The following OR2T29 variants were observed in gnomAD, a reference collection of about 807,000 sequenced individuals.
The protein encoded by OR2T29 is olfactory receptor family 2 subfamily T member 29, also known as olfactory receptor 2T29.
For missense variants in OR2T29, 7 were observed against 121.9 expected (o/e 0.06, Z 4.44); for synonymous variants, 2 against 44.9 (o/e 0.04, Z 3.82).
chr1:248,558,772 CT>C lies in OR2T29; in HGVS notation c.719del (p.Lys240ArgfsTer10), dbSNP rs1164723432. ...GGTGGGAGGAGCAGGTGGCAAAGGC[CT>C]TTTTCCGGCCCTCTGCTGAGTTCAT... Reference protein sequence around the residue: ...HRMNSAEGRKKAFATCSSHLT... With the variant: ...HRMNSAEGRKXAFATCSSHLT... On this transcript the variant is annotated frameshift_variant, in exon 2 of 2. Transcript: ENST00000641069. LOFTEE classifies it low-confidence loss of function (END_TRUNC). The C allele has an allele frequency of 6.0e-5, 2 of 33,174 alleles. No individual in the cohort carries two copies. The highest frequency in any genetic ancestry group is 1.1e-4 in the Non-Finnish European group (2 of 18,242). 2.1% of individuals were successfully genotyped at this position (33,174 alleles called of 1,614,324 possible). A position where few individuals can be genotyped will look rare whatever the true frequency, so the allele number is the denominator to read the frequency against.
intron 1 of OR2T29, among the ~76,000 whole-genome samples, chr1:248,562,149 A>G (rs567225840): frequency 6.7e-6 from 1 of 149,780 alleles, no homozygotes; most frequent in Non-Finnish European, 1.5e-5. Flanking sequence ...ATATTAAAAA[A>G]TGCAGGTTCT....
Position 248,562,749 on chromosome 1 carries a change from A to AC in OR2T29, c.-35dup, listed in dbSNP as rs910516764. 2 of 144,254 alleles carry AC rather than the reference A, an allele frequency of 1.4e-5. No individual in the cohort carries two copies. Among genetic ancestry groups the AC allele is most frequent in the African/African-American group, 2.6e-5 (1 of 38,274 alleles). 8.9% of individuals were successfully genotyped at this position (144,254 alleles called of 1,614,324 possible). On this transcript the variant is annotated 5_prime_UTR_variant, in exon 1 of 2. Coordinates refer to ENST00000641069, the MANE Select transcript of OR2T29 (RefSeq NM_001004694.3). ...ACCATCAGATGATGTCTTGAACCTC[A>AC]CCTAGATGGGCTGGTGGTGTGTGGC...
At position 248,558,100 on chromosome 1, in the gene OR2T29, T is replaced by TA. The variant is rs1659481583; in HGVS notation, c.*443dup. The TA allele has an allele frequency of 1.9e-5, 2 of 105,960 alleles. No homozygotes were observed. Among genetic ancestry groups the TA allele is most frequent in the African/African-American group, 7.0e-5 (2 of 28,672 alleles). The allele number at this position is 105,960 out of a possible 1,614,324, so 6.6% of individuals were successfully genotyped here. A position where few individuals can be genotyped will look rare whatever the true frequency, so the allele number is the denominator to read the frequency against. On this transcript the variant is annotated 3_prime_UTR_variant, in exon 2 of 2. Transcript: ENST00000641069. ...ATGATTTCAACTTCACAAAAATCAT[T>TA]AAAAAACAATAGTACAATTAATACC...
At chr1:248,562,183 C>T (rs1200367663) in intron 1 of OR2T29, among the ~76,000 whole-genome samples, 2 of 150,622 alleles carry the variant, frequency 1.3e-5, no homozygotes, top group African/African-American at 4.9e-5. Flanking sequence ...TAATATCACA[C>T]ACCTAACCTG....
rs1219334437 is a variant in OR2T29 at position 248,558,011 on chromosome 1, C to T, written c.*533G>A. On this transcript the variant is annotated 3_prime_UTR_variant, in exon 2 of 2. Transcript: ENST00000641069. ...GCATGATTTCTAAGATGTCACACTG[C>T]CACCAAGCAGAAAGGAGAATATTTT... The T allele has an allele frequency of 1.2e-5, 2 of 161,332 alleles. No homozygotes were observed. Among genetic ancestry groups the T allele is most frequent in the African/African-American group, 4.8e-5 (2 of 41,482 alleles). The allele number at this position is 161,332 out of a possible 1,614,324, so 10.0% of individuals were successfully genotyped here.
Position 248,559,258 on chromosome 1 carries a change from A to T in OR2T29, c.234T>A (p.Ile78=), listed in dbSNP as rs1329775267. 1 of 945,616 alleles carries T rather than the reference A, an allele frequency of 1.1e-6. No individual in the cohort carries two copies. Among genetic ancestry groups the T allele is most frequent in the East Asian group, 2.7e-5 (1 of 37,276 alleles). The allele number at this position is 945,616 out of a possible 1,614,324, so 58.6% of individuals were successfully genotyped here. Residue 78 remains isoleucine, a synonymous_variant, in exon 2 of 2, where the codon ATT becomes ATA. Transcript: ENST00000641069. ...GGAGCATCTTGGGCACAGTGACAGA[A>T]ATGTACGCCATGTCCATGAGAGACA... ...SQLSLMDMAY[I]SVTVPKMLLD... is the part of the protein sequence containing the mutation.
rs1267911788 is a variant in OR2T29, at chr1:248,560,310, CAT to C, written c.-10-811_-10-810del. On this transcript the variant is annotated intron_variant, in intron 1 of 1. Coordinates refer to ENST00000641069, the MANE Select transcript of OR2T29 (RefSeq NM_001004694.3). ...TAGTACAGTTTCCGATGAATAAACA[CAT>C]ATACTCTTAGTGTAGATGTTAACTC... 1.3e-4 allele frequency among the ~76,000 whole-genome samples: 12 copies of C among 91,756 alleles called. 3 individuals carry two copies. The highest frequency in any genetic ancestry group is 3.6e-4 in the Non-Finnish European group (11 of 30,180). The allele number at this position is 91,756 out of a possible 152,430, so 60.2% of individuals were successfully genotyped here.
At chr1:248,562,666 G>A (rs1467038931) in intron 1 of OR2T29, 60 bp downstream of exon 1, 7 of 145,334 alleles carry the variant, frequency 4.8e-5, no homozygotes, top group East Asian at 2.0e-4. Flanking sequence ...AGAACAAGTC[G>A]AGAGCAGTGA....
intron 1 of OR2T29, among the ~76,000 whole-genome samples, chr1:248,561,996 T>C (rs1343330884): frequency 6.8e-6 from 1 of 147,786 alleles, no homozygotes; most frequent in African/African-American, 2.5e-5. Flanking sequence ...TGGGGATTTA[T>C]TATAAGTATA....
chr1:248,560,397 GAT>G (rs556300231), intron 1 of OR2T29, among the ~76,000 whole-genome samples: 305 of 94,624 alleles, frequency 3.2e-3, no homozygotes, highest in African/African-American at 7.6e-3. Flanking sequence ...TATTATATAA[GAT>G]ATATTACTTC....
In OR2T29 at chr1:248,562,478, T is replaced by C. The variant is rs1443925842; in HGVS notation, c.-11+248A>G. ...TATGAAAATCTAAAACTATAGAATATATATTATTATGTCCATAAATAATTG... is the reference window on the plus strand; with the variant it reads ...TATGAAAATCTAAAACTATAGAATACATATTATTATGTCCATAAATAATTG... On this transcript the variant is annotated intron_variant, in intron 1 of 1. Transcript: ENST00000641069. 4.9e-5 allele frequency: 7 copies of C among 144,206 alleles called. 1 individual carries two copies. In the East Asian group the frequency reaches 1.4e-3, roughly 29 times the overall value. The allele number at this position is 144,206 out of a possible 1,614,324, so 8.9% of individuals were successfully genotyped here.
At chr1:248,562,236 C>T (rs11488722) in intron 1 of OR2T29, among the ~76,000 whole-genome samples, 30,945 of 147,258 alleles carry the variant, frequency 0.21, 2,406 homozygotes, top group African/African-American at 0.44. Context: ...AGCCAGCGCA[C>T]GTAACTCTGC....
rs1201909435 is a variant in OR2T29, at chr1:248,562,597, C to T, written c.-11+129G>A. On this transcript the variant is annotated intron_variant, in intron 1 of 1. Coordinates refer to ENST00000641069, the MANE Select transcript of OR2T29 (RefSeq NM_001004694.3). Reference sequence around the variant, plus strand: ...AACATTTGCTTTTCTCCATTAAAAACAGATGATAAAGAAAAAATGAGGAAA... The same window carrying T: ...AACATTTGCTTTTCTCCATTAAAAATAGATGATAAAGAAAAAATGAGGAAA... The T allele has an allele frequency of 1.4e-5, 2 of 144,584 alleles. 1 individual carries two copies. Among genetic ancestry groups the T allele is most frequent in the Non-Finnish European group, 3.0e-5 (2 of 65,580 alleles). 9.0% of individuals were successfully genotyped at this position (144,584 alleles called of 1,614,324 possible). A position where few individuals can be genotyped will look rare whatever the true frequency, so the allele number is the denominator to read the frequency against.
In OR2T29 at chr1:248,558,188, CCTCT is replaced by C. The variant is rs1297085910; in HGVS notation, c.*352_*355del. ...ATTGAACTCAGTTTGTTTCATTGCC[CCTCT>C]CTATCTCCCTCCCTCTTTCCCTCTC... is the stretch of plus-strand genomic sequence containing the variant. On this transcript the variant is annotated 3_prime_UTR_variant, in exon 2 of 2. Coordinates refer to ENST00000641069, the MANE Select transcript of OR2T29 (RefSeq NM_001004694.3). 3 of 110,720 alleles carry C rather than the reference CCTCT, an allele frequency of 2.7e-5. No individual in the cohort carries two copies. Among genetic ancestry groups the C allele is most frequent in the Middle Eastern group, 7.9e-3 (2 of 254 alleles). The allele number at this position is 110,720 out of a possible 1,614,324, so 6.9% of individuals were successfully genotyped here. A position where few individuals can be genotyped will look rare whatever the true frequency, so the allele number is the denominator to read the frequency against.
At chr1:248,561,973 T>C (rs1480824794) in intron 1 of OR2T29, among the ~76,000 whole-genome samples, 2 of 147,254 alleles carry the variant, frequency 1.4e-5, no homozygotes, top group East Asian at 4.0e-4. Flanking sequence ...AATTGCTTAA[T>C]GCATGTTTAA....
At chr1:248,562,402 G>C (rs1230311507) in intron 1 of OR2T29, among the ~76,000 whole-genome samples, 1 of 140,004 alleles carries the variant, frequency 7.1e-6, no homozygotes, top group Admixed American at 6.9e-5. Flanking sequence ...AAGAAAATCA[G>C]TCACTTTTCC....
At position 248,557,932 on chromosome 1, in the gene OR2T29, AAAG is replaced by A. The variant is rs150479529; in HGVS notation, c.*609_*611del. Reference sequence around the variant, plus strand: ...CATGCAGAAAAATGTAGCCCTCAATAAAGAAGGGGCGATGACTGGATTTTCTCG... The same window carrying A: ...CATGCAGAAAAATGTAGCCCTCAATAAAGGGGCGATGACTGGATTTTCTCG... On this transcript the variant is annotated 3_prime_UTR_variant, in exon 2 of 2. Coordinates refer to ENST00000641069, the MANE Select transcript of OR2T29 (RefSeq NM_001004694.3). The A allele has an allele frequency of 0.18, 29,211 of 166,454 alleles. 1,055 individuals carry two copies. Among genetic ancestry groups the A allele is most frequent in the African/African-American group, 0.46 (17,960 of 39,166 alleles). The allele number at this position is 166,454 out of a possible 1,614,324, so 10.3% of individuals were successfully genotyped here. A position where few individuals can be genotyped will look rare whatever the true frequency, so the allele number is the denominator to read the frequency against.
At position 248,557,393 on chromosome 1, in the gene OR2T29, CA is replaced by C. The variant is rs1659469946; in HGVS notation, c.*1150del. 1 of 108,024 alleles carries C rather than the reference CA, an allele frequency of 9.3e-6. No homozygotes were observed. The highest frequency in any genetic ancestry group is 1.9e-5 in the Non-Finnish European group (1 of 52,658). The allele number at this position is 108,024 out of a possible 1,614,324, so 6.7% of individuals were successfully genotyped here. On this transcript the variant is annotated 3_prime_UTR_variant, in exon 2 of 2. Coordinates refer to ENST00000641069, the MANE Select transcript of OR2T29 (RefSeq NM_001004694.3). Reference sequence around the variant, plus strand: ...CAGCAAGTTCCCCTGGCTCCAACATCACACACTCATCTGAGGGTAACTTTTC... The same window carrying C: ...CAGCAAGTTCCCCTGGCTCCAACATCCACACTCATCTGAGGGTAACTTTTC...
At position 248,558,172 on chromosome 1, in the gene OR2T29, AGTTT is replaced by A. The variant is rs1291316057; in HGVS notation, c.*368_*371del. 2.7e-5 allele frequency: 3 copies of A among 111,716 alleles called. No individual in the cohort carries two copies. The highest frequency in any genetic ancestry group is 5.8e-5 in the Non-Finnish European group (3 of 51,882). The allele number at this position is 111,716 out of a possible 1,614,324, so 6.9% of individuals were successfully genotyped here. On this transcript the variant is annotated 3_prime_UTR_variant, in exon 2 of 2. Coordinates refer to ENST00000641069, the MANE Select transcript of OR2T29 (RefSeq NM_001004694.3). The stretch of plus-strand genomic sequence containing the variant: ...CATGTGTGGCAGCAACATTGAACTC[AGTTT>A]GTTTCATTGCCCCTCTCTATCTCCC...
Sources: gnomAD v4.1 joint callset for allele counts (sites outside exome capture counted in the v4.1 genomes callset) on GRCh38, gnomAD v4.1.1 for gene constraint, MANE v1.5 for transcripts, NCBI Gene and HGNC (gene_info 2026-07-23, HGNC 2026-07-21) for gene names.